CEACAM5: variants seen among roughly 807,000 people sequenced by gnomAD.
The protein encoded by CEACAM5 is cell adhesion molecule CEACAM5.
In CEACAM5, 52 loss-of-function variants were observed where a neutral mutation model predicts 63.0. The ratio of observed to expected loss-of-function variants is 0.83; its 90% CI spans 0.66 to 1.04. The LOEUF is 1.04. Among genes scored for constraint, CEACAM5 ranks in the 50% least tolerant of loss-of-function variants. The probability of loss-of-function intolerance (pLI) is 0.00; values close to 1 mark genes in which losing one functional copy is unlikely to be tolerated. For missense variants in CEACAM5, 790 were observed against 864.8 expected, an observed-to-expected ratio of 0.91 and a Z score of 1.08; for synonymous variants, 357 against 351.3, an observed-to-expected ratio of 1.02 and a Z score of -0.18.
intron 7 of CEACAM5, 61 bp downstream of exon 7, chr19:41,720,269 C>T: frequency 6.4e-7 from 1 of 1,560,022 alleles, no homozygotes; most frequent in Non-Finnish European, 8.8e-7. Flanking sequence ...CAGCCAGAGG[C>T]CAGGACTCTC....
Position 41,715,851 on chromosome 19 carries a change from A to G in CEACAM5, c.905A>G (p.His302Arg), listed in dbSNP as rs781818432. 24 of 1,614,090 alleles carry G rather than the reference A, an allele frequency of 1.5e-5. No homozygotes were observed. Among genetic ancestry groups the G allele is most frequent in the African/African-American group, 4.0e-5 (3 of 74,922 alleles). ...AGTGGATCCTATACGTGCCAAGCCC[A>G]TAACTCAGACACTGGCCTCAATAGG... ...NNSGSYTCQA[H>R]NSDTGLNRTT... The change falls in exon 4 of 10, where the codon CAT becomes CGT. Residue 302 changes from histidine (H) to arginine (R), a missense_variant. Physicochemically the swap from His to Arg is conservative, Grantham distance 29. Coordinates refer to ENST00000221992, the MANE Select transcript of CEACAM5 (RefSeq NM_004363.6).
intron 9 of CEACAM5, 99 bp downstream of exon 9, chr19:41,727,451 T>A (rs2072716130): frequency 1.4e-6 from 1 of 700,886 alleles, no homozygotes; most frequent in African/African-American, 1.8e-5. Flanking sequence ...TGGGACTGGA[T>A]CTCTTCCTCC....
Position 41,715,237 on chromosome 19 carries a change from C to G in CEACAM5, c.691C>G (p.Leu231Val), listed in dbSNP as rs1474205271. The change falls in exon 3 of 10, where the codon CTG (leucine) becomes GTG (valine). Residue 231 changes from leucine (L) to valine (V), a missense_variant. Leu to Val is a conservative substitution (Grantham distance 32). Coordinates refer to ENST00000221992, the MANE Select transcript of CEACAM5 (RefSeq NM_004363.6). ...TGCCAGGCGCAGTGATTCAGTCATC[C>G]TGAATGTCCTCTGTGAGTATATCTG... The part of the protein sequence containing the change: ...VSARRSDSVI[L>V]NVLYGPDAPT... The G allele has an allele frequency of 6.2e-7, 1 of 1,614,108 alleles. No homozygotes were observed. The highest frequency in any genetic ancestry group is 1.3e-5 in the African/African-American group (1 of 74,926).
Position 41,717,672 on chromosome 19 carries a change from G to A in CEACAM5, c.1176G>A (p.Glu392=). 1.9e-6 allele frequency: 3 copies of A among 1,614,186 alleles called. No individual in the cohort carries two copies. The highest frequency in any genetic ancestry group is 2.5e-6 in the Non-Finnish European group (3 of 1,180,042). The change falls in exon 5 of 10, where the codon GAG becomes GAA. Residue 392 remains glutamate, a synonymous_variant. Transcript: ENST00000221992. ...SVTRNDVGPY[E]CGIQNELSVD... is the part of the protein sequence containing the mutation. ...CAAGGAATGATGTAGGACCCTATGA[G>A]TGTGGAATCCAGAACGAATTAAGTG...
At chr19:41,708,944 C>T (rs1471689933) in intron 1 of CEACAM5, 149 bp downstream of exon 1, 1 of 590,690 alleles carries the variant, frequency 1.7e-6, no homozygotes, top group Non-Finnish European at 3.0e-6. Context: ...CCAGAAAAAT[C>T]AAATTGAACT....
At chr19:41,727,200 T>C in intron 8 of CEACAM5, 34 bp from the exon 9 acceptor site, 1 of 1,513,942 alleles carries the variant, frequency 6.6e-7, no homozygotes, top group South Asian at 1.1e-5. Flanking sequence ...TCACATTCAT[T>C]CCTTCTCTTT....
At chr19:41,726,138 G>C (rs2072696904) in intron 8 of CEACAM5, among the ~76,000 whole-genome samples, 1 of 152,194 alleles carries the variant, frequency 6.6e-6, no homozygotes, top group Non-Finnish European at 1.5e-5. Context: ...GCTACACACA[G>C]AGGGAAACTT....
In CEACAM5 at chr19:41,715,104, G is replaced by C. The variant is rs138694037; in HGVS notation, c.558G>C (p.Pro186=). 3 of 1,614,014 alleles carry C rather than the reference G, an allele frequency of 1.9e-6. No homozygotes were observed. Among genetic ancestry groups the C allele is most frequent in the Non-Finnish European group, 2.5e-6 (3 of 1,180,024 alleles). The change falls in exon 3 of 10, where the codon CCG becomes CCC. Residue 186 remains proline (P), a synonymous_variant. Coordinates refer to ENST00000221992, the MANE Select transcript of CEACAM5 (RefSeq NM_004363.6). ...GGTGGGTAAACAATCAGAGCCTCCC[G>C]GTCAGTCCCAGGCTGCAGCTGTCCA... ...YLWWVNNQSL[P]VSPRLQLSNG...
chr19:41,723,493 C>T (rs2072656268), intron 8 of CEACAM5, among the ~76,000 whole-genome samples: 1 of 152,020 alleles, frequency 6.6e-6, no homozygotes, highest in Admixed American at 6.5e-5. Context: ...GTCCTTTGTC[C>T]ATTTATTAAT....
At chr19:41,722,708 G>A (rs185298460) in intron 8 of CEACAM5, among the ~76,000 whole-genome samples, 123 of 152,252 alleles carry the variant, frequency 8.1e-4, no homozygotes, top group Non-Finnish European at 1.3e-3. Flanking sequence ...CCATTGTATG[G>A]ATACACCTCA....
chr19:41,719,843 G>T, intron 6 of CEACAM5, 87 bp from the exon 7 acceptor site: 2 of 1,584,406 alleles, frequency 1.3e-6, no homozygotes, highest in African/African-American at 2.7e-5. Flanking sequence ...TGGGCTGAAG[G>T]GTGGGAGTTG....
intron 4 of CEACAM5, among the ~76,000 whole-genome samples, chr19:41,717,133 T>G (rs1555815157): frequency 6.6e-6 from 1 of 152,158 alleles, no homozygotes; most frequent in Non-Finnish European, 1.5e-5. Context: ...AGGACCCCAA[T>G]GGGCCAGGCA....
Position 41,727,296 on chromosome 19 carries a change from G to A in CEACAM5, c.2089G>A (p.Val697Ile), listed in dbSNP as rs782107321. The A allele has an allele frequency of 1.2e-6, 2 of 1,613,868 alleles. No individual in the cohort carries two copies. The highest frequency in any genetic ancestry group is 4.5e-5 in the East Asian group (2 of 44,904). Residue 697 changes from valine (V) to isoleucine (I), a missense_variant, in exon 9 of 10, where the codon GTT (valine) becomes ATT (isoleucine). Physicochemically the swap from Val to Ile is conservative, Grantham distance 29. Transcript: ENST00000221992. ...TGTCGGCATCATGATTGGAGTGCTGGTTGGGGTTGCTCTGATATAGCAGCC... is the reference window on the plus strand; with the variant it reads ...TGTCGGCATCATGATTGGAGTGCTGATTGGGGTTGCTCTGATATAGCAGCC... ...ATVGIMIGVL[V>I]GVALI
rs897097696 is a variant in CEACAM5 at position 41,715,554 on chromosome 19, G to A, written c.704-96G>A. On this transcript the variant is annotated intron_variant, in intron 3 of 9. Coordinates refer to ENST00000221992, the MANE Select transcript of CEACAM5 (RefSeq NM_004363.6). ...GGTTTGGCTGAGACTTTAGGATTGTGATTCAGCTTAGAGGGACACTGTGGT... is the reference window on the plus strand; with the variant it reads ...GGTTTGGCTGAGACTTTAGGATTGTAATTCAGCTTAGAGGGACACTGTGGT... 1.9e-5 allele frequency: 28 copies of A among 1,488,702 alleles called. No individual in the cohort carries two copies. In the Admixed American group the frequency reaches 4.8e-4, roughly 26 times the overall value. 92.2% of individuals were successfully genotyped at this position (1,488,702 alleles called of 1,614,324 possible).
In CEACAM5 at chr19:41,727,350, C is replaced by T. The variant is rs781794399; in HGVS notation, c.*34C>T. ...GTGTAGTTTCTTCATTTCAGGAAGACTGGTAGGTATAATGGCCTTTCCTCT... is the reference window on the plus strand; with the variant it reads ...GTGTAGTTTCTTCATTTCAGGAAGATTGGTAGGTATAATGGCCTTTCCTCT... On this transcript the variant is annotated splice_region_variant and 3_prime_UTR_variant, in exon 9 of 10. Coordinates refer to ENST00000221992, the MANE Select transcript of CEACAM5 (RefSeq NM_004363.6). 2 of 1,442,656 alleles carry T rather than the reference C, an allele frequency of 1.4e-6. No homozygotes were observed. Among genetic ancestry groups the T allele is most frequent in the South Asian group, 2.3e-5 (2 of 87,350 alleles). The allele number at this position is 1,442,656 out of a possible 1,614,324, so 89.4% of individuals were successfully genotyped here.
At chr19:41,717,938 G>A (rs146956568) in intron 5 of CEACAM5, among the ~76,000 whole-genome samples, 190 bp from the exon 6 acceptor site, 61 of 152,256 alleles carry the variant, frequency 4.0e-4, no homozygotes, top group African/African-American at 1.4e-3. Flanking sequence ...TGTAACACTC[G>A]GGATCCACAG....
chr19:41,716,176 C>T (rs1056381801), intron 4 of CEACAM5, among the ~76,000 whole-genome samples: 8 of 152,360 alleles, frequency 5.3e-5, no homozygotes, highest in South Asian at 2.1e-4. Context: ...CTTCACAGAG[C>T]GGGAAGGAGC....
rs949448583 is a variant in CEACAM5 at position 41,719,483 on chromosome 19, C to T, written c.1493-447C>T. Among the ~76,000 whole-genome samples the T allele has an allele frequency of 5.3e-5, 8 of 152,148 alleles. No homozygotes were observed. The East Asian group carries it at 1.2e-3, about 22-fold the overall frequency. On this transcript the variant is annotated intron_variant, in intron 6 of 9. Transcript: ENST00000221992. ...GTCTCCTGAGCTATTTCTGCTTAAA[C>T]ACCCATCCCCGTCATCACCCATCTC... is the stretch of plus-strand genomic sequence containing the variant.
At chr19:41,715,990 T>G in intron 4 of CEACAM5, 86 bp downstream of exon 4, 1 of 1,505,568 alleles carries the variant, frequency 6.6e-7, no homozygotes, top group South Asian at 1.3e-5. Context: ...ACATTTTCTA[T>G]CCCAGCCTGT....
Sources: gnomAD v4.1 joint callset for allele counts (sites outside exome capture counted in the v4.1 genomes callset) on GRCh38, gnomAD v4.1.1 for gene constraint, MANE v1.5 for transcripts, NCBI Gene and HGNC (gene_info 2026-07-23, HGNC 2026-07-21) for gene names.